SLC2A12: variants seen among roughly 807,000 people sequenced by gnomAD.
SLC2A12 encodes the protein solute carrier family 2, facilitated glucose transporter member 12.
In SLC2A12, 23 loss-of-function variants were observed where a neutral mutation model predicts 41.8. The observed-to-expected ratio is 0.55, with a 90% CI of 0.40 to 0.78. The LOEUF (loss-of-function observed/expected upper bound fraction) is 0.78. SLC2A12 is among the 30% of genes least tolerant of loss of function. The pLI is 0.00. For synonymous variants in SLC2A12, 295 were observed against 285.9 expected (o/e 1.03, Z -0.32); for missense variants, 654 against 745.6 (o/e 0.88, Z 1.43).
At chr6:134,002,599 A>G (rs189481440) in intron 3 of SLC2A12, among the ~76,000 whole-genome samples, 131 of 152,192 alleles carry the variant, frequency 8.6e-4, no homozygotes, top group Middle Eastern at 6.8e-3. Context: ...ATCATTCCCA[A>G]TGGTGGACAT....
intron 1 of SLC2A12, among the ~76,000 whole-genome samples, chr6:134,051,320 G>A (rs1359279984): frequency 5.9e-5 from 9 of 152,256 alleles, no homozygotes; most frequent in Non-Finnish European, 1.0e-4. Flanking sequence ...TTCATGCCTC[G>A]ATGTTAGGGG....
chr6:133,987,648 G>GTGTATATA lies in SLC2A12; in HGVS notation c.*3506_*3507insTATATACA, dbSNP rs200249148. ...TTTGTGTGTGTGTGTGTGTGTGTGT[G>GTGTATATA]TATATATATATATATATATGCACCA... On this transcript the variant is annotated 3_prime_UTR_variant, in exon 5 of 5. Coordinates refer to ENST00000275230, the MANE Select transcript of SLC2A12 (RefSeq NM_145176.3). 14 of 88,394 alleles carry GTGTATATA rather than the reference G, an allele frequency of 1.6e-4. No homozygotes were observed. The highest frequency in any genetic ancestry group is 6.3e-3 in the Middle Eastern group (1 of 158). 5.5% of individuals were successfully genotyped at this position (88,394 alleles called of 1,614,324 possible).
chr6:134,016,265 TAGAAAAAATAACAAA>T (rs1776960922), intron 2 of SLC2A12, among the ~76,000 whole-genome samples: 1 of 151,354 alleles, frequency 6.6e-6, no homozygotes, highest in East Asian at 1.9e-4. Context: ...TAACATCTCC[TAGAAAAAATAACAAA>T]AGAAAAAATA....
At chr6:134,050,703 A>C (rs1255256346) in intron 1 of SLC2A12, among the ~76,000 whole-genome samples, 6 of 152,180 alleles carry the variant, frequency 3.9e-5, no homozygotes, top group African/African-American at 1.2e-4. Context: ...TTTTGTTAAC[A>C]TCACCACCTC....
At chr6:134,005,391 G>T (rs1026671988) in intron 3 of SLC2A12, among the ~76,000 whole-genome samples, 3 of 152,054 alleles carry the variant, frequency 2.0e-5, no homozygotes, top group Admixed American at 1.3e-4. Flanking sequence ...AGGCACAGTG[G>T]CTTACGCCTG....
At chr6:134,030,617 G>A (rs1226097344) in intron 1 of SLC2A12, among the ~76,000 whole-genome samples, 3 of 152,230 alleles carry the variant, frequency 2.0e-5, no homozygotes, top group Non-Finnish European at 4.4e-5. Flanking sequence ...AAAAGCAACA[G>A]AGGGAAGAGT....
chr6:134,024,459 C>T (rs1051058864), intron 2 of SLC2A12, among the ~76,000 whole-genome samples: 2 of 152,168 alleles, frequency 1.3e-5, no homozygotes, highest in Non-Finnish European at 2.9e-5. Context: ...CCTTCTAGAC[C>T]TTTGTGTTCT....
At chr6:134,035,640 C>T (rs1221432367) in intron 1 of SLC2A12, among the ~76,000 whole-genome samples, 4 of 152,150 alleles carry the variant, frequency 2.6e-5, no homozygotes, top group African/African-American at 7.2e-5. Flanking sequence ...ATTTGTTATG[C>T]TTTTCTCTTG....
intron 2 of SLC2A12, among the ~76,000 whole-genome samples, chr6:134,021,576 T>C (rs892018199): frequency 6.6e-6 from 1 of 152,212 alleles, no homozygotes; most frequent in African/African-American, 2.4e-5. Flanking sequence ...CATTAGATCA[T>C]CTGATGTGCA....
Position 134,029,483 on chromosome 6 carries a change from G to A in SLC2A12, c.342C>T (p.Ser114=). The A allele has an allele frequency of 1.2e-6, 2 of 1,614,186 alleles. No individual in the cohort carries two copies. The highest frequency in any genetic ancestry group is 2.2e-5 in the East Asian group (1 of 44,886). ...YGRRTAIILS[S]CLLGLGSLVL... ...CTAAGCTTCCGAGTCCAAGCAGGCA[G>A]GATGACAAGATGATTGCTGTCCTTC... The change falls in exon 2 of 5, where the codon TCC becomes TCT. Residue 114 remains serine, a synonymous_variant. Transcript: ENST00000275230.
intron 1 of SLC2A12, 128 bp from the exon 2 acceptor site, chr6:134,029,849 G>C: frequency 8.4e-7 from 1 of 1,186,700 alleles, no homozygotes; most frequent in Non-Finnish European, 1.1e-6. Flanking sequence ...ACACAATTAT[G>C]ATAAAATAAT....
Position 133,990,113 on chromosome 6 carries a change from A to G in SLC2A12, c.*1042T>C, listed in dbSNP as rs1776600412. 6.5e-6 allele frequency: 1 copy of G among 152,688 alleles called. No individual in the cohort carries two copies. Among genetic ancestry groups the G allele is most frequent in the South Asian group, 2.1e-4 (1 of 4,834 alleles). 9.5% of individuals were successfully genotyped at this position (152,688 alleles called of 1,614,324 possible). On this transcript the variant is annotated 3_prime_UTR_variant, in exon 5 of 5. Coordinates refer to ENST00000275230, the MANE Select transcript of SLC2A12 (RefSeq NM_145176.3). ...CACGTTGCTGGTACAGGTGGCCATC[A>G]TAGAAAAGAACATGAGGGAATTGTC...
intron 4 of SLC2A12, among the ~76,000 whole-genome samples, chr6:133,995,225 A>G (rs1325408622): frequency 6.6e-6 from 1 of 152,204 alleles, no homozygotes; most frequent in Non-Finnish European, 1.5e-5. Flanking sequence ...GTTTTTAAAA[A>G]GATGGAGAAA....
At chr6:134,050,067 T>A (rs2114520141) in intron 1 of SLC2A12, among the ~76,000 whole-genome samples, 1 of 152,338 alleles carries the variant, frequency 6.6e-6, no homozygotes, top group East Asian at 1.9e-4. Context: ...AAAAGGAGTA[T>A]TTGACAAATA....
rs58295985 is a variant in SLC2A12 at position 133,997,085 on chromosome 6, C to CAAAAAAAAAA, written c.1700+4902_1700+4911dup. Among the ~76,000 whole-genome samples, 200 of 70,642 alleles carry CAAAAAAAAAA rather than the reference C, an allele frequency of 2.8e-3. 1 individual carries two copies. The highest frequency in any genetic ancestry group is 3.0e-3 in the South Asian group (4 of 1,340). 46.3% of individuals were successfully genotyped at this position (70,642 alleles called of 152,430 possible). Reference sequence around the variant, plus strand: ...TGAAACCCCGTCTCTACTAAAAATACAAAAAAAAAAAAAAAAAAAAAAAAA... The same window carrying CAAAAAAAAAA: ...TGAAACCCCGTCTCTACTAAAAATACAAAAAAAAAAAAAAAAAAAAAAAAAAAAAAAAAAA... On this transcript the variant is annotated intron_variant, in intron 4 of 4. Coordinates refer to ENST00000275230, the MANE Select transcript of SLC2A12 (RefSeq NM_145176.3).
chr6:133,989,267 AGAAGCTT>A lies in SLC2A12; in HGVS notation c.*1881_*1887del, dbSNP rs1776585287. 6.6e-6 allele frequency: 1 copy of A among 152,164 alleles called. No homozygotes were observed. Among genetic ancestry groups the A allele is most frequent in the African/African-American group, 2.4e-5 (1 of 41,454 alleles). The allele number at this position is 152,164 out of a possible 1,614,324, so 9.4% of individuals were successfully genotyped here. A position where few individuals can be genotyped will look rare whatever the true frequency, so the allele number is the denominator to read the frequency against. On this transcript the variant is annotated 3_prime_UTR_variant, in exon 5 of 5. Transcript: ENST00000275230. Reference sequence around the variant, plus strand: ...TCCCCCTTTTTATTTTTGAAAATCAAGAAGCTTGATTTGGTGTGGTGCAATGGATATT... The same window carrying A: ...TCCCCCTTTTTATTTTTGAAAATCAAGATTTGGTGTGGTGCAATGGATATT...
chr6:134,047,415 A>C (rs535774758), intron 1 of SLC2A12, among the ~76,000 whole-genome samples: 36 of 152,274 alleles, frequency 2.4e-4, no homozygotes, highest in African/African-American at 8.7e-4. Flanking sequence ...GTGATTCTAA[A>C]ATGAACTATT....
chr6:134,043,290 C>T (rs2627234), intron 1 of SLC2A12, among the ~76,000 whole-genome samples: 65,095 of 151,734 alleles, frequency 0.43, 14,323 homozygotes, highest in South Asian at 0.59. Flanking sequence ...ATCAGAACCA[C>T]GAAACTCCTG....
At chr6:134,007,497 T>C (rs550773003) in intron 2 of SLC2A12, among the ~76,000 whole-genome samples, 170 of 152,350 alleles carry the variant, frequency 1.1e-3, no homozygotes, top group African/African-American at 3.9e-3. Flanking sequence ...GGAGAGAAGT[T>C]CTAAATTAAA....
Sources: allele counts gnomAD v4.1 joint callset (sites outside exome capture counted in the v4.1 genomes callset), GRCh38; gene constraint gnomAD v4.1.1; transcripts MANE v1.5; gene names NCBI Gene and HGNC (gene_info 2026-07-23, HGNC 2026-07-21).